Variants in PER3 observed in about 807,000 individuals in gnomAD.
The protein encoded by PER3 is period circadian regulator 3.
A neutral mutation model predicts 127.2 loss-of-function variants in PER3; 107 were observed. The observed-to-expected ratio is 0.84, with a 90% CI of 0.72 to 0.99. The LOEUF (loss-of-function observed/expected upper bound fraction) is 0.99, where lower values mean the gene tolerates loss of function less well. Ranked by LOEUF, PER3 falls within the 50% of genes least tolerant of loss-of-function variation. The pLI is 0.00. For missense variants in PER3, 1,560 were observed against 1,525.8 expected (o/e 1.02, Z -0.37); for synonymous variants, 618 against 585.8 (o/e 1.05, Z -0.79).
rs761142819 is a variant in PER3, at chr1:7,784,960, GC to G, written c.87del (p.Glu30SerfsTer33). 1 of 1,550,188 alleles carries G rather than the reference GC, an allele frequency of 6.5e-7. No individual in the cohort carries two copies. The highest frequency in any genetic ancestry group is 8.6e-7 in the Non-Finnish European group (1 of 1,158,304). On this transcript the variant is annotated frameshift_variant, in exon 2 of 22. Coordinates refer to ENST00000377532, the MANE Select transcript of PER3 (RefSeq NM_001377275.1). LOFTEE classifies it high-confidence loss of function. ...GGCGAAGAATCGGGGGAGCGGTGGA[GC>G]CCCGAGTTCCATCTGCAGAGGAAAT... ...ALGEESGERW[S>X]PEFHLQRKLA...
chr1:7,815,863 C>T (rs2097246988), intron 13 of PER3, among the ~76,000 whole-genome samples: 1 of 150,842 alleles, frequency 6.6e-6, no homozygotes, highest in African/African-American at 2.4e-5. Context: ...CATAGTGGCA[C>T]ACACCTGCAG....
intron 6 of PER3, among the ~76,000 whole-genome samples, chr1:7,797,080 T>C (rs892064928): frequency 6.6e-6 from 1 of 152,146 alleles, no homozygotes; most frequent in Non-Finnish European, 1.5e-5. Flanking sequence ...AGGAAAACTT[T>C]TAGGCTAGAG....
chr1:7,792,326 G>A (rs926192456), intron 5 of PER3, among the ~76,000 whole-genome samples: 2 of 152,080 alleles, frequency 1.3e-5, no homozygotes, highest in African/African-American at 2.4e-5. Context: ...ACGGGATGAC[G>A]GCAACCACCC....
intron 21 of PER3, among the ~76,000 whole-genome samples, chr1:7,841,260 C>T (rs1251072207): frequency 6.6e-6 from 1 of 150,854 alleles, no homozygotes; most frequent in Non-Finnish European, 1.5e-5. Flanking sequence ...TGGGGCTGTA[C>T]TTTGGCGTTT....
rs1213562420 is a variant in PER3, at chr1:7,843,161, A to G, written c.*406A>G. The stretch of plus-strand genomic sequence containing the variant: ...CCCTTAGAGTGCTTGAAGAAATGCC[A>G]CCTACAGGTTGTGTACTTTTCATAA... On this transcript the variant is annotated 3_prime_UTR_variant, in exon 22 of 22. Coordinates refer to ENST00000377532, the MANE Select transcript of PER3 (RefSeq NM_001377275.1). 1 of 154,852 alleles carries G rather than the reference A, an allele frequency of 6.5e-6. No homozygotes were observed. Among genetic ancestry groups the G allele is most frequent in the East Asian group, 1.8e-4 (1 of 5,480 alleles). The allele number at this position is 154,852 out of a possible 1,614,324, so 9.6% of individuals were successfully genotyped here. A position where few individuals can be genotyped will look rare whatever the true frequency, so the allele number is the denominator to read the frequency against.
intron 13 of PER3, among the ~76,000 whole-genome samples, chr1:7,818,496 T>G (rs1462168420): frequency 6.6e-6 from 1 of 152,184 alleles, no homozygotes; most frequent in Admixed American, 6.5e-5. Context: ...TAAGAAAGTT[T>G]TCATTCTTGG....
In PER3 at chr1:7,788,527, G is replaced by C. The variant is rs140496617; in HGVS notation, c.592+281G>C. 333 of 299,412 alleles carry C rather than the reference G, an allele frequency of 1.1e-3. 3 individuals carry two copies. Among genetic ancestry groups the C allele is most frequent in the African/African-American group, 6.9e-3 (320 of 46,414 alleles). The allele number at this position is 299,412 out of a possible 1,614,324, so 18.5% of individuals were successfully genotyped here. Reference sequence around the variant, plus strand: ...GTATAGTGGTTTAGTTGCTATGAAGGCTCTGTTTCCTTTAAGTTAAAATTA... The same window carrying C: ...GTATAGTGGTTTAGTTGCTATGAAGCCTCTGTTTCCTTTAAGTTAAAATTA... On this transcript the variant is annotated intron_variant, in intron 5 of 21. Coordinates refer to ENST00000377532, the MANE Select transcript of PER3 (RefSeq NM_001377275.1).
chr1:7,828,670 G>A (rs12061787), intron 18 of PER3, among the ~76,000 whole-genome samples: 2 of 152,120 alleles, frequency 1.3e-5, no homozygotes, highest in African/African-American at 4.8e-5. Context: ...TTAAGACACG[G>A]ATTCAAATCC....
At chr1:7,797,342 G>C (rs1043113080) in intron 6 of PER3, among the ~76,000 whole-genome samples, 1 of 152,030 alleles carries the variant, frequency 6.6e-6, no homozygotes, top group Non-Finnish European at 1.5e-5. Context: ...AGAAGAGAAA[G>C]AGCAAGGTGG....
In PER3 at chr1:7,826,774, A is replaced by T. The variant is rs922819680; in HGVS notation, c.2188+64A>T. On this transcript the variant is annotated intron_variant, in intron 17 of 21. Transcript: ENST00000377532. The surrounding 1 kb of genome is among the most constrained non-coding windows in gnomAD (Gnocchi z 4.2). ...TAAATGTTACAAACTGTATCTAAGG[A>T]CTAGGAGATAAGGAGTGAACAATAG... 7 of 963,628 alleles carry T rather than the reference A, an allele frequency of 7.3e-6. No homozygotes were observed. Among genetic ancestry groups the T allele is most frequent in the Non-Finnish European group, 1.1e-5 (7 of 609,860 alleles). 59.7% of individuals were successfully genotyped at this position (963,628 alleles called of 1,614,324 possible).
intron 5 of PER3, among the ~76,000 whole-genome samples, chr1:7,790,106 G>T (rs1439987770): frequency 6.6e-6 from 1 of 152,194 alleles, no homozygotes; most frequent in African/African-American, 2.4e-5. Flanking sequence ...TTTTCCTTCA[G>T]CACTGCCTGT....
At chr1:7,839,602 TG>T (rs1558489717) in intron 21 of PER3, among the ~76,000 whole-genome samples, 1 of 152,232 alleles carries the variant, frequency 6.6e-6, no homozygotes, top group African/African-American at 2.4e-5. Flanking sequence ...TCAAACTCCC[TG>T]GCTTTTGTTT....
chr1:7,817,579 C>T (rs2097257259), intron 13 of PER3, among the ~76,000 whole-genome samples: 4 of 152,150 alleles, frequency 2.6e-5, no homozygotes, highest in Admixed American at 1.3e-4. Flanking sequence ...CTATAGATAA[C>T]GATGACCAGA....
intron 4 of PER3, chr1:7,787,427 C>T (rs955186619): frequency 2.4e-6 from 1 of 416,980 alleles, no homozygotes; most frequent in Non-Finnish European, 4.7e-6. Context: ...GTGCGCAATC[C>T]CTAGTATTAT....
At chr1:7,807,284 A>G (rs959629823) in intron 10 of PER3, among the ~76,000 whole-genome samples, 1 of 152,226 alleles carries the variant, frequency 6.6e-6, no homozygotes, top group Non-Finnish European at 1.5e-5. Context: ...GCAGATAGAT[A>G]TTGATCTAGA....
chr1:7,790,190 C>G (rs916176323), intron 5 of PER3, among the ~76,000 whole-genome samples: 7 of 152,118 alleles, frequency 4.6e-5, no homozygotes, highest in African/African-American at 1.7e-4. Context: ...TCCATTCTTA[C>G]GCTGCTATAA....
chr1:7,806,847 C>G (rs2097197038), intron 10 of PER3, among the ~76,000 whole-genome samples: 1 of 134,844 alleles, frequency 7.4e-6, no homozygotes, highest in Non-Finnish European at 1.6e-5. Flanking sequence ...TACATACACA[C>G]ACACACATAC....
intron 17 of PER3, 43 bp from the exon 18 acceptor site, chr1:7,827,074 TG>T: frequency 3.5e-6 from 5 of 1,443,930 alleles, no homozygotes; most frequent in Non-Finnish European, 4.7e-6. Context: ...CTCTTCTTTT[TG>T]GGTTTAATTT....
chr1:7,788,882 C>T (rs865918349), intron 5 of PER3, among the ~76,000 whole-genome samples: 3 of 146,004 alleles, frequency 2.1e-5, no homozygotes, highest in African/African-American at 5.1e-5. Context: ...CCAGCCTGGG[C>T]GACAAGCGTG....
Sources: gnomAD v4.1 joint callset for allele counts (sites outside exome capture counted in the v4.1 genomes callset) on GRCh38, gnomAD v4.1.1 for gene constraint, Gnocchi (gnomAD v3.1) non-coding constraint, MANE v1.5 for transcripts, NCBI Gene and HGNC (gene_info 2026-07-23, HGNC 2026-07-21) for gene names.